Variants in PTPRT observed in about 807,000 individuals in gnomAD.
PTPRT encodes the protein receptor-type tyrosine-protein phosphatase T.
Under a neutral mutation model 176.8 loss-of-function variants are expected in PTPRT, and 56 were observed. That is an observed-to-expected ratio of 0.32 (90% confidence interval 0.26 to 0.40). The LOEUF is 0.40. Ranked by LOEUF, PTPRT falls within the 10% of genes least tolerant of loss-of-function variation. PTPRT has a pLI of 1.00. For missense variants in PTPRT, 1,540 were observed against 1,908.2 expected (o/e 0.81, Z 3.60); for synonymous variants, 783 against 739.0 (o/e 1.06, Z -0.96).
intron 1 of PTPRT, among the ~76,000 whole-genome samples, chr20:43,107,770 A>G (rs2012679459): frequency 6.6e-6 from 1 of 152,226 alleles, no homozygotes; most frequent in South Asian, 2.1e-4. Flanking sequence ...TAAAACTCGT[A>G]ACATAGCTGT....
chr20:42,259,269 A>G (rs2056703777), intron 13 of PTPRT, among the ~76,000 whole-genome samples: 1 of 152,244 alleles, frequency 6.6e-6, no homozygotes, highest in African/African-American at 2.4e-5. Context: ...AGACTCTGAT[A>G]GAGAACGTCT....
At chr20:42,515,488 A>G (rs2072044775) in intron 7 of PTPRT, among the ~76,000 whole-genome samples, 1 of 152,206 alleles carries the variant, frequency 6.6e-6, no homozygotes, top group Non-Finnish European at 1.5e-5. Flanking sequence ...ATTAAAAACA[A>G]AAAACAAAAA....
intron 7 of PTPRT, among the ~76,000 whole-genome samples, chr20:42,593,263 T>C (rs1490465558): frequency 2.0e-5 from 3 of 152,194 alleles, no homozygotes; most frequent in Non-Finnish European, 4.4e-5. Flanking sequence ...CTTCATCTAG[T>C]GGTCACCCAG....
At chr20:42,138,047 A>T (rs1221261940) in intron 18 of PTPRT, among the ~76,000 whole-genome samples, 1 of 152,238 alleles carries the variant, frequency 6.6e-6, no homozygotes, top group Non-Finnish European at 1.5e-5. Flanking sequence ...CACATGCGTC[A>T]CCATCACCTA....
intron 1 of PTPRT, among the ~76,000 whole-genome samples, chr20:43,003,117 T>C (rs906654758): frequency 2.0e-5 from 3 of 152,130 alleles, no homozygotes; most frequent in Admixed American, 6.5e-5. Context: ...AATTATAATA[T>C]ATATATCTTT....
At chr20:42,729,365 T>C (rs537457869) in intron 6 of PTPRT, among the ~76,000 whole-genome samples, 2 of 152,224 alleles carry the variant, frequency 1.3e-5, no homozygotes, top group Non-Finnish European at 2.9e-5. Flanking sequence ...AGGGTAAAAA[T>C]AAAAGAAGCA....
chr20:42,209,444 A>G (rs949883129), intron 15 of PTPRT, among the ~76,000 whole-genome samples: 4 of 152,138 alleles, frequency 2.6e-5, no homozygotes, highest in Admixed American at 6.5e-5. Context: ...AATAGACACA[A>G]TAAAAAATGA....
At chr20:42,248,156 A>G (rs1341483711) in intron 14 of PTPRT, among the ~76,000 whole-genome samples, 1 of 152,180 alleles carries the variant, frequency 6.6e-6, no homozygotes, top group Non-Finnish European at 1.5e-5. Flanking sequence ...GACAGGACAT[A>G]GTACAGAGCC....
chr20:42,788,046 G>A (rs530789456), intron 3 of PTPRT, among the ~76,000 whole-genome samples: 14 of 152,196 alleles, frequency 9.2e-5, no homozygotes, highest in South Asian at 2.1e-4. Context: ...AAAAGACACC[G>A]AAGTAAAGAG....
intron 7 of PTPRT, among the ~76,000 whole-genome samples, chr20:42,653,004 A>C (rs968504309): frequency 6.6e-6 from 1 of 152,170 alleles, no homozygotes; most frequent in African/African-American, 2.4e-5. Flanking sequence ...CCAGCAGATA[A>C]ATAAGACTAA....
chr20:42,070,076 G>A (rs1982258549), downstream of PTPRT, among the ~76,000 whole-genome samples: 2 of 152,032 alleles, frequency 1.3e-5, no homozygotes, highest in African/African-American at 2.4e-5. Flanking sequence ...TAACTAGAGT[G>A]GTTTCTTTCT....
At chr20:42,109,941 G>T (rs6029978) in intron 23 of PTPRT, among the ~76,000 whole-genome samples, 1,600 of 152,226 alleles carry the variant, frequency 0.011, 25 homozygotes, top group African/African-American at 0.036. Context: ...GGCATGGGGG[G>T]GACACAGGAA....
chr20:42,338,460 T>C (rs2058069765), intron 11 of PTPRT, among the ~76,000 whole-genome samples: 1 of 152,170 alleles, frequency 6.6e-6, no homozygotes. Flanking sequence ...CAACTCCTAT[T>C]GTGACTTTCA....
intron 7 of PTPRT, among the ~76,000 whole-genome samples, chr20:42,626,745 G>A (rs2074297376): frequency 6.6e-6 from 1 of 152,166 alleles, no homozygotes; most frequent in Non-Finnish European, 1.5e-5. Flanking sequence ...CATCAGGGCT[G>A]AGAGTTGAAT....
chr20:42,316,907 A>G (rs766020720), intron 11 of PTPRT, among the ~76,000 whole-genome samples: 4 of 152,158 alleles, frequency 2.6e-5, no homozygotes, highest in South Asian at 2.1e-4. Context: ...CCTAGAGCTC[A>G]TCTAATCTCC....
chr20:42,787,815 T>C (rs208249), intron 3 of PTPRT, among the ~76,000 whole-genome samples: 18,421 of 152,256 alleles, frequency 0.12, 1,417 homozygotes, highest in African/African-American at 0.19. Context: ...ACAGTCTTTA[T>C]TTATCCCATT....
rs974017341 is a variant in PTPRT, at chr20:42,267,888, A to C, written c.2176+14601T>G. Among the ~76,000 whole-genome samples, 17 of 152,244 alleles carry C rather than the reference A, an allele frequency of 1.1e-4. 1 individual carries two copies. The highest frequency in any genetic ancestry group is 3.9e-4 in the African/African-American group (16 of 41,466). ...TTGCACTTAGTTCTCATGATTACCT[A>C]TGACTGTGGCTATTCATATTTCAAT... On this transcript the variant is annotated intron_variant, in intron 13 of 30. Coordinates refer to ENST00000373187, the MANE Select transcript of PTPRT (RefSeq NM_007050.6).
intron 6 of PTPRT, among the ~76,000 whole-genome samples, chr20:42,744,314 G>A (rs1206288287): frequency 2.0e-5 from 3 of 152,216 alleles, no homozygotes; most frequent in Admixed American, 1.3e-4. Flanking sequence ...TTGCCCTCAT[G>A]TATTCTGGAA....
intron 12 of PTPRT, among the ~76,000 whole-genome samples, chr20:42,292,031 T>G (rs552233948): frequency 1.9e-4 from 29 of 151,946 alleles, no homozygotes; most frequent in Non-Finnish European, 3.4e-4. Context: ...ACCAGAAGAG[T>G]GGCTGCAGTG....
Sources: gnomAD v4.1 joint callset for allele counts (sites outside exome capture counted in the v4.1 genomes callset) on GRCh38, gnomAD v4.1.1 for gene constraint, MANE v1.5 for transcripts, NCBI Gene and HGNC (gene_info 2026-07-23, HGNC 2026-07-21) for gene names.